Variants in ABTB2 observed in about 807,000 individuals in gnomAD.
ABTB2 encodes the protein ankyrin repeat and BTB domain containing 2, also known as ankyrin repeat and BTB/POZ domain-containing protein 2.
Under a neutral mutation model 104.1 loss-of-function variants are expected in ABTB2, and 56 were observed. The ratio of observed to expected loss-of-function variants is 0.54; its 90% CI spans 0.43 to 0.67. ABTB2 has a LOEUF of 0.67. Ranked by LOEUF, ABTB2 falls within the 30% of genes least tolerant of loss-of-function variation. The probability of loss-of-function intolerance (pLI) is 0.00; values close to 1 mark genes in which losing one functional copy is unlikely to be tolerated. For missense variants in ABTB2, 1,279 were observed against 1,407.7 expected, an observed-to-expected ratio of 0.91 and a Z score of 1.46; for synonymous variants, 606 against 608.2, an observed-to-expected ratio of 1.00 and a Z score of 0.05.
At chr11:34,334,990 T>G (rs2013828982) in intron 1 of ABTB2, 1 of 536,536 alleles carries the variant, frequency 1.9e-6, no homozygotes, top group African/African-American at 1.9e-5. Context: ...TTACCAATGT[T>G]GTAAATTCAT....
At chr11:34,194,801 G>C (rs1345628397) in intron 3 of ABTB2, among the ~76,000 whole-genome samples, 1 of 151,340 alleles carries the variant, frequency 6.6e-6, no homozygotes, top group Non-Finnish European at 1.5e-5. Flanking sequence ...TCCTAATGGG[G>C]GTTCCAATTC....
chr11:34,349,126 A>G (rs1230382646), intron 1 of ABTB2, among the ~76,000 whole-genome samples: 3 of 152,206 alleles, frequency 2.0e-5, no homozygotes, highest in Non-Finnish European at 4.4e-5. Context: ...AAGCAGGAAG[A>G]CCACAAAGTG....
At chr11:34,224,863 CTTTT>C (rs1391668434) in intron 1 of ABTB2, among the ~76,000 whole-genome samples, 4 of 152,140 alleles carry the variant, frequency 2.6e-5, no homozygotes, top group African/African-American at 9.7e-5. Context: ...TAGTGGTAAT[CTTTT>C]TTAACGAGGC....
Position 34,357,863 on chromosome 11 carries a change from T to C in ABTB2, c.-280A>G. The stretch of plus-strand genomic sequence containing the variant: ...GCACTCCCCCTTGTCCACCTCTAAT[T>C]CCCACAAGCAGAGAGTCAGTCCTCC... On this transcript the variant is annotated 5_prime_UTR_variant, in exon 1 of 17. Coordinates refer to ENST00000435224, the MANE Select transcript of ABTB2 (RefSeq NM_145804.3). 1 of 399,104 alleles carries C rather than the reference T, an allele frequency of 2.5e-6. No homozygotes were observed. The highest frequency in any genetic ancestry group is 4.5e-6 in the Non-Finnish European group (1 of 222,942). The allele number at this position is 399,104 out of a possible 1,614,324, so 24.7% of individuals were successfully genotyped here. A position where few individuals can be genotyped will look rare whatever the true frequency, so the allele number is the denominator to read the frequency against.
At chr11:34,267,165 C>T (rs370812226) in intron 1 of ABTB2, among the ~76,000 whole-genome samples, 2 of 152,294 alleles carry the variant, frequency 1.3e-5, no homozygotes, top group African/African-American at 2.4e-5. Flanking sequence ...CCATGTGTCA[C>T]GACGGCCAAG....
At chr11:34,283,719 A>G (rs1479046298) in intron 1 of ABTB2, among the ~76,000 whole-genome samples, 7 of 152,176 alleles carry the variant, frequency 4.6e-5, no homozygotes, top group Admixed American at 4.6e-4. Context: ...ACCGTTGAGG[A>G]TACTATTTTT....
At chr11:34,312,652 G>A (rs1414759191) in intron 1 of ABTB2, among the ~76,000 whole-genome samples, 1 of 152,090 alleles carries the variant, frequency 6.6e-6, no homozygotes, top group Non-Finnish European at 1.5e-5. Flanking sequence ...CTCTCAGCTG[G>A]TCTAAGAGAA....
rs541000639 is a variant in ABTB2, at chr11:34,244,933, G to A, written c.884-40243C>T. 1.4e-4 allele frequency among the ~76,000 whole-genome samples: 13 copies of A among 93,528 alleles called. No homozygotes were observed. In the South Asian group the frequency reaches 2.7e-3, roughly 20 times the overall value. The allele number at this position is 93,528 out of a possible 152,430, so 61.4% of individuals were successfully genotyped here. On this transcript the variant is annotated intron_variant, in intron 1 of 16. Transcript: ENST00000435224. ...TGAAGTGGATGGATCGCCTGAGCCC[G>A]GGAAGTCAAGGCTGGATTAAGCAGA... is the stretch of plus-strand genomic sequence containing the variant.
chr11:34,160,263 G>A lies in ABTB2; in HGVS notation c.2488C>T (p.Leu830=), dbSNP rs755761010. The stretch of plus-strand genomic sequence containing the variant: ...GCGCCTTCACCTAGCCTGGCCGGCA[G>A]GGTCTTCCGGATCTCTGGGATGCTG... The part of the protein sequence containing the change: ...IPSIPEIRKT[L]PARLDPHFLN... The change falls in exon 12 of 17, where the codon CTG becomes TTG. Residue 830 remains leucine (L), a synonymous_variant. Coordinates refer to ENST00000435224, the MANE Select transcript of ABTB2 (RefSeq NM_145804.3). 6.2e-7 allele frequency: 1 copy of A among 1,614,034 alleles called. No individual in the cohort carries two copies.
intron 4 of ABTB2, among the ~76,000 whole-genome samples, chr11:34,172,499 G>A (rs1232272173): frequency 1.4e-5 from 2 of 146,898 alleles, no homozygotes; most frequent in Non-Finnish European, 3.0e-5. Context: ...GCTCTCATGG[G>A]CCTAGGATGG....
Position 34,170,902 on chromosome 11 carries a change from G to A in ABTB2, c.1563+4C>T, listed in dbSNP as rs768402731. On this transcript the variant is annotated splice_donor_region_variant and intron_variant, in intron 5 of 16. Transcript: ENST00000435224. ...CCTGTCTTTGTGGAGCTCTCAGGAC[G>A]TACCTGGTCATCCATGGTGTTAACC... 1.4e-5 allele frequency: 23 copies of A among 1,612,754 alleles called. No homozygotes were observed. Among genetic ancestry groups the A allele is most frequent in the Admixed American group, 5.0e-5 (3 of 59,790 alleles).
intron 1 of ABTB2, among the ~76,000 whole-genome samples, chr11:34,240,314 G>T (rs887394510): frequency 2.0e-5 from 3 of 152,192 alleles, no homozygotes; most frequent in East Asian, 3.8e-4. Context: ...CGGCCAGCAG[G>T]AGCAGCTCAA....
intron 1 of ABTB2, among the ~76,000 whole-genome samples, chr11:34,229,074 C>T (rs1408645279): frequency 8.0e-5 from 11 of 137,636 alleles, no homozygotes; most frequent in Middle Eastern, 4.9e-3. Flanking sequence ...GAGCCAAGAT[C>T]GCGCCACTGC....
chr11:34,172,441 G>GTGT (rs1852894468), intron 4 of ABTB2, among the ~76,000 whole-genome samples: 1 of 89,334 alleles, frequency 1.1e-5, no homozygotes, highest in Non-Finnish European at 2.3e-5. Context: ...TGTGTATATA[G>GTGT]ATAGATAGAT....
chr11:34,345,745 A>G (rs1855323150), intron 1 of ABTB2, among the ~76,000 whole-genome samples: 1 of 152,220 alleles, frequency 6.6e-6, no homozygotes, highest in South Asian at 2.1e-4. Context: ...TAAGTCCAGA[A>G]GAACAGCTGC....
At chr11:34,342,161 A>G (rs1187715983) in intron 1 of ABTB2, among the ~76,000 whole-genome samples, 1 of 152,234 alleles carries the variant, frequency 6.6e-6, no homozygotes, top group African/African-American at 2.4e-5. Context: ...CAACCAATAC[A>G]CACAACCTTT....
At chr11:34,351,833 C>A (rs3981191) in intron 1 of ABTB2, among the ~76,000 whole-genome samples, 1 of 151,868 alleles carries the variant, frequency 6.6e-6, no homozygotes, top group Admixed American at 6.5e-5. Flanking sequence ...GCTCTTCCAG[C>A]TGGGGGAGTC....
chr11:34,273,717 C>A (rs906062407), intron 1 of ABTB2, among the ~76,000 whole-genome samples: 7 of 152,050 alleles, frequency 4.6e-5, no homozygotes, highest in Non-Finnish European at 8.8e-5. Flanking sequence ...ACCTTGCATC[C>A]CTTTATGCAC....
At chr11:34,284,540 A>G (rs1286331385) in intron 1 of ABTB2, among the ~76,000 whole-genome samples, 1 of 152,168 alleles carries the variant, frequency 6.6e-6, no homozygotes, top group Non-Finnish European at 1.5e-5. Flanking sequence ...AACAGGAATT[A>G]TTGACTGGCT....
Sources: gnomAD v4.1 joint callset for allele counts (sites outside exome capture counted in the v4.1 genomes callset) on GRCh38, gnomAD v4.1.1 for gene constraint, MANE v1.5 for transcripts, NCBI Gene and HGNC (gene_info 2026-07-23, HGNC 2026-07-21) for gene names.